The following KLC4 variants were observed in gnomAD, a reference collection of about 807,000 sequenced individuals.
The protein encoded by KLC4 is kinesin light chain 4.
A neutral mutation model predicts 77.2 loss-of-function variants in KLC4; 49 were observed. The observed-to-expected ratio is 0.63, with a 90% CI of 0.50 to 0.80. The LOEUF (loss-of-function observed/expected upper bound fraction) is 0.80. Among genes scored for constraint, KLC4 ranks in the 30% least tolerant of loss-of-function variants. KLC4 has a pLI of 0.00. For missense variants in KLC4, 669 were observed against 793.5 expected (o/e 0.84, Z 1.89); for synonymous variants, 274 against 314.5 (o/e 0.87, Z 1.36).
chr6:43,070,256 G>A, intron 6 of KLC4, 98 bp from the exon 7 acceptor site: 1 of 755,672 alleles, frequency 1.3e-6, no homozygotes. Context: ...TTAGAGTTGT[G>A]CAGTGAGTGT....
At chr6:43,068,537 G>A (rs571494133) in intron 6 of KLC4, among the ~76,000 whole-genome samples, 1 of 151,808 alleles carries the variant, frequency 6.6e-6, no homozygotes, top group East Asian at 1.9e-4. Flanking sequence ...ACTGGGCTTG[G>A]TGGCTCACGC....
chr6:43,059,682 G>A lies in KLC4; in HGVS notation c.-29G>A, dbSNP rs1309025559. 2.2e-6 allele frequency: 3 copies of A among 1,335,410 alleles called. No homozygotes were observed. Among genetic ancestry groups the A allele is most frequent in the African/African-American group, 3.0e-5 (2 of 67,384 alleles). The allele number at this position is 1,335,410 out of a possible 1,614,324, so 82.7% of individuals were successfully genotyped here. On this transcript the variant is annotated 5_prime_UTR_variant, in exon 1 of 16. Transcript: ENST00000347162. ...AGAGCGGCAGCCACACCGGCAGATT[G>A]CAGGTGAGTCTTTGAGGGTATCCTG...
At chr6:43,072,346 G>A in intron 12 of KLC4, 91 bp downstream of exon 12, 1 of 954,722 alleles carries the variant, frequency 1.0e-6, no homozygotes, top group Non-Finnish European at 1.7e-6. Context: ...CTAAGAATAA[G>A]CGGAAAGGCT....
intron 2 of KLC4, 104 bp from the exon 3 acceptor site, chr6:43,062,813 C>G: frequency 1.1e-6 from 1 of 883,688 alleles, no homozygotes; most frequent in Non-Finnish European, 1.8e-6. Context: ...CTTCTGGCTC[C>G]TCTGTGCCCC....
intron 11 of KLC4, 94 bp downstream of exon 11, chr6:43,072,016 C>G: frequency 1.4e-6 from 2 of 1,425,172 alleles, no homozygotes; most frequent in Middle Eastern, 1.8e-4. Flanking sequence ...CTCCCGTAGA[C>G]TTTCCCTCAG....
rs562531990 is a variant in KLC4 at position 43,061,445 on chromosome 6, G to A, written c.110G>A (p.Arg37His). Residue 37 changes from arginine (R) to histidine (H), a missense_variant, in exon 2 of 16, where the codon CGC becomes CAC. Physicochemically the swap from Arg to His is conservative, Grantham distance 29. Coordinates refer to ENST00000347162, the MANE Select transcript of KLC4 (RefSeq NM_201521.3). ...GTCAGCCAAGGGCTAGAGGCCCTAC[G>A]CAGTGAACACCAGGCCGTGCTGCAA... ...RLVSQGLEAL[R>H]SEHQAVLQSL... 13 of 1,614,194 alleles carry A rather than the reference G, an allele frequency of 8.1e-6. No individual in the cohort carries two copies. The highest frequency in any genetic ancestry group is 6.7e-5 in the East Asian group (3 of 44,892).
chr6:43,059,928 C>T lies in KLC4; in HGVS notation c.-26+243C>T, dbSNP rs551198086. On this transcript the variant is annotated intron_variant, in intron 1 of 15. Transcript: ENST00000347162. ...CGGGGTCGTTAGGCCTCCACGTCCT[C>T]GCTGGAGCTGCGGACCTCAGTCGTC... is the stretch of plus-strand genomic sequence containing the variant. The T allele has an allele frequency of 3.2e-5, 41 of 1,282,364 alleles. No homozygotes were observed. In the African/African-American group the frequency reaches 6.0e-4, roughly 19 times the overall value. 79.4% of individuals were successfully genotyped at this position (1,282,364 alleles called of 1,614,324 possible).
rs1405616247 is a variant in KLC4 at position 43,074,992 on chromosome 6, AGC to A, written c.*321_*322del. 8.1e-6 allele frequency: 3 copies of A among 370,506 alleles called. No individual in the cohort carries two copies. Among genetic ancestry groups the A allele is most frequent in the African/African-American group, 6.2e-5 (3 of 48,448 alleles). 23.0% of individuals were successfully genotyped at this position (370,506 alleles called of 1,614,324 possible). A position where few individuals can be genotyped will look rare whatever the true frequency, so the allele number is the denominator to read the frequency against. ...TCAGTCAGAGGGTTGGGGGCTGGCC[AGC>A]CAAGCTGCCTTGCCCTGGCCGCTCT... On this transcript the variant is annotated 3_prime_UTR_variant, in exon 16 of 16. Transcript: ENST00000347162.
intron 4 of KLC4, 65 bp from the exon 5 acceptor site, chr6:43,066,241 G>T (rs750932400): frequency 6.8e-6 from 9 of 1,320,174 alleles, no homozygotes; most frequent in Middle Eastern, 3.7e-4. Context: ...ATGCAATGGG[G>T]AGTGGAAGGG....
In KLC4 at chr6:43,071,836, T is replaced by A. The variant is rs202179189; in HGVS notation, c.1309-16T>A. On this transcript the variant is annotated splice_polypyrimidine_tract_variant and intron_variant, in intron 10 of 15. Coordinates refer to ENST00000347162, the MANE Select transcript of KLC4 (RefSeq NM_201521.3). ...GCTCTCCCTGCCCTTCTTTCTGGCC[T>A]CTCTCTGTCCTGCAGAGCCGGCACC... 6.2e-7 allele frequency: 1 copy of A among 1,610,252 alleles called. No individual in the cohort carries two copies. Among genetic ancestry groups the A allele is most frequent in the Admixed American group, 1.7e-5 (1 of 59,414 alleles).
chr6:43,067,654 G>C (rs1420311991), intron 6 of KLC4, among the ~76,000 whole-genome samples: 1 of 151,432 alleles, frequency 6.6e-6, no homozygotes, highest in Non-Finnish European at 1.5e-5. Flanking sequence ...AAAATGCCGG[G>C]CGTGGTGGCG....
At position 43,074,603 on chromosome 6, in the gene KLC4, G is replaced by A; in HGVS notation, c.1810-19G>A. The A allele has an allele frequency of 1.2e-6, 2 of 1,613,130 alleles. No individual in the cohort carries two copies. The highest frequency in any genetic ancestry group is 1.7e-6 in the Non-Finnish European group (2 of 1,179,058). ...AGGCCGAGGTCCCTGAGCTGATGGG[G>A]TAGTGTTGTCTGTTTCAGGTCTCCC... On this transcript the variant is annotated intron_variant, in intron 15 of 15. Coordinates refer to ENST00000347162, the MANE Select transcript of KLC4 (RefSeq NM_201521.3).
intron 13 of KLC4, 95 bp downstream of exon 13, chr6:43,073,059 TTC>T (rs1765807819): frequency 2.7e-6 from 4 of 1,464,274 alleles, no homozygotes; most frequent in Admixed American, 2.3e-5. Context: ...AGGTAGTGTA[TTC>T]CTTCAGGGGT....
chr6:43,071,816 C>T (rs771799988), intron 10 of KLC4, 36 bp from the exon 11 acceptor site: 13 of 1,601,674 alleles, frequency 8.1e-6, no homozygotes, highest in African/African-American at 1.3e-5. Flanking sequence ...ATTTGGCTCT[C>T]CCTGCCCTTC....
In KLC4 at chr6:43,062,907, GC is replaced by G. The variant is rs773710692; in HGVS notation, c.259-7del. On this transcript the variant is annotated splice_polypyrimidine_tract_variant and intron_variant, in intron 2 of 15. Coordinates refer to ENST00000347162, the MANE Select transcript of KLC4 (RefSeq NM_201521.3). ...CCAGAATCTGGAGCTCAGGGGATGT[GC>G]CCACCTAGGTGATGCTGGCTCTAGC... 4.5e-5 allele frequency: 73 copies of G among 1,611,512 alleles called. No individual in the cohort carries two copies. The highest frequency in any genetic ancestry group is 3.6e-4 in the South Asian group (33 of 91,022).
At chr6:43,074,410 T>G (rs1444318142) in intron 15 of KLC4, 1 of 587,684 alleles carries the variant, frequency 1.7e-6, no homozygotes, top group Non-Finnish European at 3.0e-6. Context: ...ATTCATGTGG[T>G]TCTTCCAGGT....
Position 43,062,970 on chromosome 6 carries a change from G to A in KLC4, c.312G>A (p.Lys104=), listed in dbSNP as rs1264786473. 1 of 1,614,130 alleles carries A rather than the reference G, an allele frequency of 6.2e-7. No individual in the cohort carries two copies. Among genetic ancestry groups the A allele is most frequent in the Non-Finnish European group, 8.5e-7 (1 of 1,180,050 alleles). Reference sequence around the variant, plus strand: ...GCACAGTGGAGTCGGAGAAACAGAAGCTGCGGGCTCAGGTGCGGCGGCTAT... The same window carrying A: ...GCACAGTGGAGTCGGAGAAACAGAAACTGCGGGCTCAGGTGCGGCGGCTAT... ...HLSTVESEKQ[K]LRAQVRRLCQ... The change falls in exon 3 of 16, where the codon AAG becomes AAA. Residue 104 remains lysine (K), a synonymous_variant. Transcript: ENST00000347162.
intron 6 of KLC4, among the ~76,000 whole-genome samples, chr6:43,067,577 G>C (rs944455940): frequency 2.0e-5 from 3 of 151,962 alleles, no homozygotes; most frequent in African/African-American, 7.3e-5. Flanking sequence ...GGTGGATCAC[G>C]AGGTCAGGAG....
At chr6:43,067,379 TAAAAGA>T in intron 6 of KLC4, 1 of 467,798 alleles carries the variant, frequency 2.1e-6, no homozygotes. Context: ...CTAATAAATA[TAAAAGA>T]AAAACAAGAA....
Sources: allele counts gnomAD v4.1 joint callset (sites outside exome capture counted in the v4.1 genomes callset), GRCh38; gene constraint gnomAD v4.1.1; transcripts MANE v1.5; gene names NCBI Gene and HGNC (gene_info 2026-07-23, HGNC 2026-07-21).